Variants in ZNF469 observed in about 807,000 individuals in gnomAD.
ZNF469 encodes zinc finger protein 469.
In ZNF469, 1 loss-of-function variant was observed where a neutral mutation model predicts 1.0. The observed-to-expected ratio is 1.00, with a 90% CI of 0.35 to 4.73. ZNF469 has a LOEUF of 4.73. ZNF469 is among the 30% of genes most tolerant of loss of function. The pLI is 0.16. For missense variants in ZNF469, 6,100 were observed against 5,356.3 expected, an observed-to-expected ratio of 1.14 and a Z score of -4.33; for synonymous variants, 2,703 against 2,363.4, an observed-to-expected ratio of 1.14 and a Z score of -4.17.
the ZNF469 span, among the ~76,000 whole-genome samples, chr16:88,356,146 G>A: frequency 1.4e-4 from 21 of 152,200 alleles, no homozygotes; most frequent in African/African-American, 2.6e-4. Context: ...AATCACACCC[G>A]TACCCTCCAT....
the ZNF469 span, among the ~76,000 whole-genome samples, chr16:88,316,109 C>G: frequency 3.9e-5 from 6 of 152,364 alleles, no homozygotes; most frequent in African/African-American, 1.4e-4. Flanking sequence ...CCGGCCGCCC[C>G]TCACTACTCG....
chr16:88,244,935 C>A, the ZNF469 span, among the ~76,000 whole-genome samples: 9 of 151,760 alleles, frequency 5.9e-5, no homozygotes, highest in Non-Finnish European at 1.3e-4. Flanking sequence ...AGTGCACAAC[C>A]CTGGGACACC....
At chr16:88,279,848 T>C in the ZNF469 span, among the ~76,000 whole-genome samples, 49,536 of 87,526 alleles carry the variant, frequency 0.57, 13,744 homozygotes, top group East Asian at 0.68. Context: ...TGCTGTGCCA[T>C]GCTGACACTC....
At position 88,432,336 on chromosome 16, in the gene ZNF469, C is replaced by T; in HGVS notation, c.4866C>T (p.Phe1622=). 1 of 1,548,372 alleles carries T rather than the reference C, an allele frequency of 6.5e-7. No homozygotes were observed. Among genetic ancestry groups the T allele is most frequent in the South Asian group, 1.2e-5 (1 of 84,050 alleles). Reference sequence around the variant, plus strand: ...CCACCGTGCCCCACGAGGACACGTTCTCGGCAGCTGACCTCACGCGCGTTG... The same window carrying T: ...CCACCGTGCCCCACGAGGACACGTTTTCGGCAGCTGACCTCACGCGCGTTG... ...CQATVPHEDT[F]SAADLTRVGE... is the part of the protein sequence containing the mutation. The change falls in exon 3 of 3, where the codon TTC becomes TTT. Residue 1622 remains phenylalanine (F), a synonymous_variant. Coordinates refer to ENST00000565624, the MANE Select transcript of ZNF469 (RefSeq NM_001367624.2).
the ZNF469 span, among the ~76,000 whole-genome samples, chr16:88,327,615 G>C: frequency 6.6e-6 from 1 of 152,076 alleles, no homozygotes; most frequent in Non-Finnish European, 1.5e-5. Context: ...CACGTGCTCC[G>C]TACCTCAGGG....
chr16:88,387,639 G>T (rs1904373310), intron 1 of ZNF469, among the ~76,000 whole-genome samples: 1 of 152,196 alleles, frequency 6.6e-6, no homozygotes, highest in African/African-American at 2.4e-5. Context: ...TTGCTGAAAG[G>T]GAGCTGGCCT....
Position 88,398,896 on chromosome 16 carries a change from C to T in ZNF469, c.-192+15642C>T, listed in dbSNP as rs1045356761. ...AAAGCAGAGGACGACAGTCACTCGT[C>T]TGCACTCACTCTGACCTGCACTGCC... On this transcript the variant is annotated intron_variant, in intron 1 of 2. Coordinates refer to ENST00000565624, the MANE Select transcript of ZNF469 (RefSeq NM_001367624.2). Among the ~76,000 whole-genome samples, 6 of 152,220 alleles carry T rather than the reference C, an allele frequency of 3.9e-5. No homozygotes were observed. In the South Asian group the frequency reaches 1.2e-3, roughly 31 times the overall value.
At chr16:88,336,211 A>G in the ZNF469 span, among the ~76,000 whole-genome samples, 1 of 150,232 alleles carries the variant, frequency 6.7e-6, no homozygotes. Flanking sequence ...TAACACGCCA[A>G]TACCACGCAC....
At chr16:88,135,319 G>C in the ZNF469 span, among the ~76,000 whole-genome samples, 1 of 152,268 alleles carries the variant, frequency 6.6e-6, no homozygotes, top group East Asian at 1.9e-4. Context: ...TTGTTCTACT[G>C]CTCAATGTTT....
the ZNF469 span, among the ~76,000 whole-genome samples, chr16:88,321,645 T>C: frequency 6.6e-6 from 1 of 151,772 alleles, no homozygotes; most frequent in Non-Finnish European, 1.5e-5. Context: ...TCTGATTGGA[T>C]GTGACCCTCG....
At chr16:88,411,862 C>T (rs1428370204) in intron 1 of ZNF469, among the ~76,000 whole-genome samples, 2 of 152,174 alleles carry the variant, frequency 1.3e-5, no homozygotes, top group African/African-American at 2.4e-5. Flanking sequence ...CCTGGGGTCC[C>T]CTTCTGCCCT....
At chr16:88,283,597 G>A in the ZNF469 span, among the ~76,000 whole-genome samples, 1 of 152,222 alleles carries the variant, frequency 6.6e-6, no homozygotes, top group African/African-American at 2.4e-5. Context: ...TCTAGGTGGT[G>A]GGTTGGGGGT....
At position 88,428,749 on chromosome 16, in the gene ZNF469, C is replaced by G. The variant is rs1252530278; in HGVS notation, c.1279C>G (p.Leu427Val). 12 of 1,546,300 alleles carry G rather than the reference C, an allele frequency of 7.8e-6. No homozygotes were observed. The highest frequency in any genetic ancestry group is 8.7e-6 in the Non-Finnish European group (10 of 1,146,242). ...CAGCCCGGGGCCTCCGGACACCGAG[C>G]TGGCCGCCCCAGGGCCCCCACCCGC... ...DTSPGPPDTE[L>V]AAPGPPPARL... The change falls in exon 3 of 3, where the codon CTG becomes GTG. Residue 427 changes from leucine (L) to valine (V), a missense_variant. Physicochemically the swap from Leu to Val is conservative, Grantham distance 32. Coordinates refer to ENST00000565624, the MANE Select transcript of ZNF469 (RefSeq NM_001367624.2).
intron 1 of ZNF469, among the ~76,000 whole-genome samples, chr16:88,416,894 G>T (rs986062620): frequency 3.9e-5 from 6 of 152,326 alleles, no homozygotes; most frequent in Middle Eastern, 3.4e-3. Context: ...CTGAGCAGGG[G>T]CCTGTCCTGC....
chr16:88,436,240 G>A lies in ZNF469; in HGVS notation c.8770G>A (p.Asp2924Asn). The A allele has an allele frequency of 1.3e-6, 2 of 1,549,524 alleles. No homozygotes were observed. Among genetic ancestry groups the A allele is most frequent in the Non-Finnish European group, 1.7e-6 (2 of 1,146,874 alleles). Reference sequence around the variant, plus strand: ...CAGCTCCCTCTGCCTCTGCCATGAGGACCCGTGGGAGGACGAGGATCCCGC... The same window carrying A: ...CAGCTCCCTCTGCCTCTGCCATGAGAACCCGTGGGAGGACGAGGATCCCGC... ...DSSSLCLCHE[D>N]PWEDEDPAGL... The change falls in exon 3 of 3, where the codon GAC (aspartate) becomes AAC (asparagine). Residue 2924 changes from aspartate to asparagine, a missense_variant. Coordinates refer to ENST00000565624, the MANE Select transcript of ZNF469 (RefSeq NM_001367624.2).
the ZNF469 span, among the ~76,000 whole-genome samples, chr16:88,228,270 T>A: frequency 3.6e-3 from 545 of 152,342 alleles, 5 homozygotes; most frequent in South Asian, 4.6e-3. Flanking sequence ...CTTCGCAGGC[T>A]CCGAGCAACG....
Position 88,427,605 on chromosome 16 carries a change from C to T in ZNF469, c.135C>T (p.Thr45=), listed in dbSNP as rs538850431. The T allele has an allele frequency of 1.9e-5, 29 of 1,537,298 alleles. No homozygotes were observed. Among genetic ancestry groups the T allele is most frequent in the Non-Finnish European group, 2.4e-5 (27 of 1,146,522 alleles). The change falls in exon 3 of 3, where the codon ACC becomes ACT. Residue 45 remains threonine (T), a synonymous_variant. Transcript: ENST00000565624. ...LEDNTPATRT[T]KGAREAGGQA... ...ACAACACCCCAGCTACCAGGACCACCAAGGGTGCCAGGGAGGCTGGCGGCC... is the reference window on the plus strand; with the variant it reads ...ACAACACCCCAGCTACCAGGACCACTAAGGGTGCCAGGGAGGCTGGCGGCC...
the ZNF469 span, among the ~76,000 whole-genome samples, chr16:88,180,619 A>T: frequency 6.6e-6 from 1 of 152,090 alleles, no homozygotes; most frequent in Non-Finnish European, 1.5e-5. Context: ...TAAAAATATA[A>T]AAAAATTAGC....
the ZNF469 span, among the ~76,000 whole-genome samples, chr16:88,157,124 A>G: frequency 2.6e-5 from 4 of 152,082 alleles, no homozygotes; most frequent in South Asian, 2.1e-4. Context: ...AGGCTCCACA[A>G]CCATCACTCA....
Sources: gnomAD v4.1 joint callset for allele counts (sites outside exome capture counted in the v4.1 genomes callset) on GRCh38, gnomAD v4.1.1 for gene constraint, MANE v1.5 for transcripts, NCBI Gene and HGNC (gene_info 2026-07-23, HGNC 2026-07-21) for gene names.